Variants in ITGB4 observed in about 807,000 individuals in gnomAD.
The protein encoded by ITGB4 is integrin beta-4.
Under a neutral mutation model 207.6 loss-of-function variants are expected in ITGB4, and 159 were observed. The observed-to-expected ratio is 0.77, with a 90% CI of 0.67 to 0.87. ITGB4 has a LOEUF of 0.87. ITGB4 is among the 40% of genes least tolerant of loss of function. The pLI, the probability that ITGB4 is intolerant of heterozygous loss-of-function variation, is 0.00. For missense variants in ITGB4, 2,278 were observed against 2,546.8 expected, an observed-to-expected ratio of 0.89 and a Z score of 2.27; for synonymous variants, 1,020 against 1,062.7, an observed-to-expected ratio of 0.96 and a Z score of 0.78.
At chr17:75,733,340 C>G (rs957830741) in intron 12 of ITGB4, 150 bp from the exon 13 acceptor site, 2 of 517,978 alleles carry the variant, frequency 3.9e-6, no homozygotes, top group Admixed American at 3.3e-5. Flanking sequence ...GAGCCAAGAT[C>G]GCGCCACTGC....
chr17:75,729,418 G>C lies in ITGB4; in HGVS notation c.720G>C (p.Leu240=). 6.2e-7 allele frequency: 1 copy of C among 1,614,086 alleles called. No individual in the cohort carries two copies. The highest frequency in any genetic ancestry group is 1.1e-5 in the South Asian group (1 of 91,074). Residue 240 remains leucine, a synonymous_variant, in exon 7 of 40, where the codon CTG becomes CTC. Coordinates refer to ENST00000200181, the MANE Select transcript of ITGB4 (RefSeq NM_000213.5). The surrounding 1 kb of genome is among the most constrained non-coding windows in gnomAD (Gnocchi z 4.4). ...CTGAGGGCGGCTTCGATGCCATCCT[G>C]CAGACAGCTGTGTGCACGGTGGGCA... ...DAPEGGFDAI[L]QTAVCTRDIG... is the part of the protein sequence containing the mutation.
At chr17:75,730,574 C>G in intron 8 of ITGB4, 70 bp downstream of exon 8, 1 of 884,994 alleles carries the variant, frequency 1.1e-6, no homozygotes, top group East Asian at 2.8e-5. Context: ...TCAGACACCT[C>G]TCCCTCCCTC....
chr17:75,743,918 T>C (rs2143185463), intron 26 of ITGB4, 57 bp downstream of exon 26: 1 of 1,527,436 alleles, frequency 6.5e-7, no homozygotes, highest in East Asian at 2.5e-5. Context: ...GGGCACCGCA[T>C]TGGGTTCCCA....
chr17:75,736,863 C>T (rs570647444), intron 16 of ITGB4, among the ~76,000 whole-genome samples, 169 bp downstream of exon 16: 4 of 152,008 alleles, frequency 2.6e-5, no homozygotes, highest in South Asian at 4.2e-4. Context: ...TAGAGGACAC[C>T]GAATCCCAGA....
At position 75,727,707 on chromosome 17, in the gene ITGB4, G is replaced by A; in HGVS notation, c.321G>A (p.Arg107=). Residue 107 remains arginine (R), a synonymous_variant, in exon 5 of 40, where the codon CGG becomes CGA. Coordinates refer to ENST00000200181, the MANE Select transcript of ITGB4 (RefSeq NM_000213.5). This position sits in a 1 kb window ranked among gnomAD's most constrained non-coding sequence, Gnocchi z 6.0. ...RRSQMSPQGL[R]VRLRPGEERH... is the part of the protein sequence containing the mutation. ...GCCAGATGTCCCCCCAAGGCCTGCGGGTCCGTCTGCGGCCCGGTGAGGAGC... is the reference window on the plus strand; with the variant it reads ...GCCAGATGTCCCCCCAAGGCCTGCGAGTCCGTCTGCGGCCCGGTGAGGAGC... 1.2e-6 allele frequency: 2 copies of A among 1,613,108 alleles called. No individual in the cohort carries two copies. Among genetic ancestry groups the A allele is most frequent in the South Asian group, 1.1e-5 (1 of 90,908 alleles).
In ITGB4 at chr17:75,727,855, G is replaced by A; in HGVS notation, c.469G>A (p.Ala157Thr). 6.2e-7 allele frequency: 1 copy of A among 1,613,522 alleles called. No homozygotes were observed. Among genetic ancestry groups the A allele is most frequent in the Non-Finnish European group, 8.5e-7 (1 of 1,179,824 alleles). The stretch of plus-strand genomic sequence containing the variant: ...CCTCAAGAAGATGGGGCAGAACCTG[G>A]GTACGGCAGGGCCAGAGTGGAGGAC... ...DNLKKMGQNL[A>T]RVLSQLTSDY... Residue 157 changes from alanine (A) to threonine (T), a missense_variant and splice_region_variant, in exon 5 of 40, where the codon GCT (alanine) becomes ACT (threonine). By Grantham distance (58) the Ala-to-Thr change is moderately conservative. Transcript: ENST00000200181. This position sits in a 1 kb window ranked among gnomAD's most constrained non-coding sequence, Gnocchi z 6.0.
At position 75,756,413 on chromosome 17, in the gene ITGB4, C is replaced by T; in HGVS notation, c.4709-16C>T. The T allele has an allele frequency of 6.2e-7, 1 of 1,613,094 alleles. No homozygotes were observed. The highest frequency in any genetic ancestry group is 8.5e-7 in the Non-Finnish European group (1 of 1,179,914). On this transcript the variant is annotated splice_polypyrimidine_tract_variant and intron_variant, in intron 35 of 39. Transcript: ENST00000200181. Reference sequence around the variant, plus strand: ...GTAACACTGCACTACTGTGTGCCCCCACCTGATCCCCCCAGGTGAGCTGCA... The same window carrying T: ...GTAACACTGCACTACTGTGTGCCCCTACCTGATCCCCCCAGGTGAGCTGCA...
intron 30 of ITGB4, 141 bp downstream of exon 30, chr17:75,751,252 C>A: frequency 9.7e-7 from 1 of 1,025,778 alleles, no homozygotes; most frequent in Non-Finnish European, 1.4e-6. Flanking sequence ...AGCGGATAAG[C>A]CTGAGGCATC....
In ITGB4 at chr17:75,730,243, G is replaced by A. The variant is rs746291499; in HGVS notation, c.741G>A (p.Arg247=). 103 of 1,612,810 alleles carry A rather than the reference G, an allele frequency of 6.4e-5. No homozygotes were observed. Among genetic ancestry groups the A allele is most frequent in the Admixed American group, 2.7e-4 (16 of 60,002 alleles). ...ACGCCCCGCCTTGCCTTCCCCAGAG[G>A]GACATTGGCTGGCGCCCGGACAGCA... is the stretch of plus-strand genomic sequence containing the variant. The part of the protein sequence containing the change: ...DAILQTAVCT[R]DIGWRPDSTH... Residue 247 remains arginine, a splice_region_variant and synonymous_variant, in exon 8 of 40, where the codon AGG becomes AGA. Transcript: ENST00000200181.
Position 75,731,279 on chromosome 17 carries a change from G to A in ITGB4, c.1126G>A (p.Asp376Asn). 6.2e-7 allele frequency: 1 copy of A among 1,613,572 alleles called. No homozygotes were observed. The highest frequency in any genetic ancestry group is 8.5e-7 in the Non-Finnish European group (1 of 1,180,018). ...IRSNLDIRAL[D>N]SPRGLRTEVT... ...CTCCAACCTGGACATCCGGGCCCTA[G>A]ACAGCCCCCGAGGCCTTCGGACAGA... The change falls in exon 10 of 40, where the codon GAC (aspartate) becomes AAC (asparagine). Residue 376 changes from aspartate (D) to asparagine (N), a missense_variant. Coordinates refer to ENST00000200181, the MANE Select transcript of ITGB4 (RefSeq NM_000213.5). The surrounding 1 kb of genome is among the most constrained non-coding windows in gnomAD (Gnocchi z 6.8).
intron 23 of ITGB4, among the ~76,000 whole-genome samples, chr17:75,741,481 G>A (rs1052724454): frequency 1.6e-4 from 25 of 152,284 alleles, no homozygotes; most frequent in African/African-American, 5.5e-4. Flanking sequence ...TGCAGGGACA[G>A]AAGAGCTAGA....
Position 75,731,230 on chromosome 17 carries a change from C to T in ITGB4, c.1093-16C>T, listed in dbSNP as rs892066882. 1 of 1,613,146 alleles carries T rather than the reference C, an allele frequency of 6.2e-7. No homozygotes were observed. Among genetic ancestry groups the T allele is most frequent in the African/African-American group, 1.3e-5 (1 of 74,908 alleles). On this transcript the variant is annotated splice_polypyrimidine_tract_variant and intron_variant, in intron 9 of 39. Transcript: ENST00000200181. This position sits in a 1 kb window ranked among gnomAD's most constrained non-coding sequence, Gnocchi z 6.8. ...GGCCCCCCACAGAGCACTGATCAAC[C>T]TCCTTCCTCCTTTAGCGGATCCGCT...
chr17:75,739,831 G>T lies in ITGB4; in HGVS notation c.2255-49G>T, dbSNP rs373713165. 501 of 1,610,976 alleles carry T rather than the reference G, an allele frequency of 3.1e-4. No individual in the cohort carries two copies. Among genetic ancestry groups the T allele is most frequent in the Non-Finnish European group, 4.2e-4 (489 of 1,177,600 alleles). On this transcript the variant is annotated intron_variant, in intron 19 of 39. Transcript: ENST00000200181. This position sits in a 1 kb window ranked among gnomAD's most constrained non-coding sequence, Gnocchi z 5.4. ...CTGGGGTCCCACCTGAAGAGGTTGG[G>T]CTGTGCGGGTCTAGGGAGGGGTGCC...
Position 75,724,307 on chromosome 17 carries a change from A to T in ITGB4, c.-10-387A>T, listed in dbSNP as rs56281434. ...GCAGAGCTGCGGCCCCCTCTCAGGG[A>T]GGCACCCTCATTGGATGACCCTGTC... On this transcript the variant is annotated intron_variant, in intron 1 of 39. Coordinates refer to ENST00000200181, the MANE Select transcript of ITGB4 (RefSeq NM_000213.5). Among the ~76,000 whole-genome samples the T allele has an allele frequency of 4.1e-4, 63 of 152,290 alleles. 1 individual carries two copies. The East Asian group carries it at 9.9e-3, about 24-fold the overall frequency.
intron 34 of ITGB4, 182 bp downstream of exon 34, chr17:75,754,997 C>T (rs1245233033): frequency 1.7e-5 from 27 of 1,558,182 alleles, no homozygotes; most frequent in Admixed American, 5.5e-5. Context: ...CATGCGCACA[C>T]GTACACACAT....
At chr17:75,733,769 C>A in intron 13 of ITGB4, 77 bp downstream of exon 13, 2 of 1,481,894 alleles carry the variant, frequency 1.3e-6, no homozygotes, top group Non-Finnish European at 1.8e-6. Context: ...CGTCAGGACC[C>A]AGGTTGGGAG....
intron 2 of ITGB4, 128 bp downstream of exon 2, chr17:75,724,910 A>T (rs1388872603): frequency 2.5e-6 from 2 of 793,090 alleles, no homozygotes; most frequent in Non-Finnish European, 4.3e-6. Context: ...ACCACTGCCC[A>T]CCTTCAGGGC....
At chr17:75,744,115 CTTT>C (rs759492811) in intron 26 of ITGB4, among the ~76,000 whole-genome samples, 44 of 110,956 alleles carry the variant, frequency 4.0e-4, no homozygotes, top group East Asian at 3.0e-3. Context: ...AGGGCTCGCT[CTTT>C]TTTTTTTTTT....
chr17:75,731,297 C>G lies in ITGB4; in HGVS notation c.1144C>G (p.Arg382Gly). Residue 382 changes from arginine (R) to glycine (G), a missense_variant, in exon 10 of 40, where the codon CGG (arginine) becomes GGG (glycine). Arg to Gly is a moderately radical substitution (Grantham distance 125). Coordinates refer to ENST00000200181, the MANE Select transcript of ITGB4 (RefSeq NM_000213.5). The surrounding 1 kb of genome is among the most constrained non-coding windows in gnomAD (Gnocchi z 6.8). ...IRALDSPRGL[R>G]TEVTSKMFQK... ...GGCCCTAGACAGCCCCCGAGGCCTT[C>G]GGACAGAGGTCACCTCCAAGATGTT... 1.2e-6 allele frequency: 2 copies of G among 1,613,584 alleles called. No homozygotes were observed. The highest frequency in any genetic ancestry group is 1.7e-6 in the Non-Finnish European group (2 of 1,180,008).
Sources: gnomAD v4.1 joint callset for allele counts (sites outside exome capture counted in the v4.1 genomes callset) on GRCh38, gnomAD v4.1.1 for gene constraint, Gnocchi (gnomAD v3.1) non-coding constraint, MANE v1.5 for transcripts, NCBI Gene and HGNC (gene_info 2026-07-23, HGNC 2026-07-21) for gene names.